The following RANBP2 variants were observed in gnomAD, a reference collection of about 807,000 sequenced individuals.
The protein encoded by RANBP2 is E3 SUMO-protein ligase RanBP2.
Under a neutral mutation model 303.6 loss-of-function variants are expected in RANBP2, and 57 were observed. The observed-to-expected ratio is 0.19, with a 90% CI of 0.15 to 0.23. RANBP2 has a LOEUF of 0.23. Among genes scored for constraint, RANBP2 ranks in the 10% least tolerant of loss-of-function variants. The pLI is 1.00. For synonymous variants in RANBP2, 1,167 were observed against 1,301.5 expected (o/e 0.90, Z 2.23); for missense variants, 3,138 against 3,780.8 (o/e 0.83, Z 4.46).
the RANBP2 span, among the ~76,000 whole-genome samples, chr2:109,648,615 T>C: frequency 1.4e-4 from 21 of 149,024 alleles, no homozygotes; most frequent in Middle Eastern, 3.8e-3. Context: ...AGTGCTGGGA[T>C]TACAGGTGTG....
the RANBP2 span, among the ~76,000 whole-genome samples, chr2:109,696,463 T>C: frequency 6.6e-6 from 1 of 152,214 alleles, no homozygotes; most frequent in African/African-American, 2.4e-5. Context: ...TTGTCAGAGA[T>C]GAAATATGTG....
At chr2:109,145,212 G>T in the RANBP2 span, among the ~76,000 whole-genome samples, 1 of 152,060 alleles carries the variant, frequency 6.6e-6, no homozygotes, top group Admixed American at 6.5e-5. Context: ...GCCGTGTCCT[G>T]GCTGGGTCCT....
chr2:109,021,405 C>G, the RANBP2 span, among the ~76,000 whole-genome samples: 2 of 151,962 alleles, frequency 1.3e-5, no homozygotes, highest in Non-Finnish European at 2.9e-5. Flanking sequence ...CGCCTGTAGT[C>G]CCAGCTACTC....
chr2:109,044,383 T>C, the RANBP2 span, among the ~76,000 whole-genome samples: 1 of 151,590 alleles, frequency 6.6e-6, no homozygotes, highest in Admixed American at 6.6e-5. Context: ...ATTAGCTGGG[T>C]ATGGTGGCGG....
chr2:108,748,603 G>A (rs934078850), intron 8 of RANBP2, among the ~76,000 whole-genome samples: 2 of 152,122 alleles, frequency 1.3e-5, no homozygotes, highest in Non-Finnish European at 2.9e-5. Flanking sequence ...GAGAATAAGA[G>A]TTTGTCCCTG....
the RANBP2 span, among the ~76,000 whole-genome samples, chr2:109,443,014 G>A: frequency 2.0e-5 from 3 of 152,184 alleles, no homozygotes; most frequent in African/African-American, 7.2e-5. Context: ...TAAAAGTGAA[G>A]GGATGGAACA....
chr2:109,539,415 G>A, the RANBP2 span, among the ~76,000 whole-genome samples: 39 of 152,268 alleles, frequency 2.6e-4, no homozygotes, highest in Middle Eastern at 3.4e-3. Flanking sequence ...AAGGTTTCAC[G>A]TGTACCTTGA....
chr2:109,176,365 CTCTG>C, the RANBP2 span, among the ~76,000 whole-genome samples: 73 of 152,154 alleles, frequency 4.8e-4, 1 homozygote, highest in Non-Finnish European at 1.6e-4. Flanking sequence ...CAGTGAGATA[CTCTG>C]AGAGAACACC....
the RANBP2 span, among the ~76,000 whole-genome samples, chr2:109,329,758 C>G: frequency 6.6e-6 from 1 of 152,206 alleles, no homozygotes; most frequent in African/African-American, 2.4e-5. Flanking sequence ...ACAAAGGAGG[C>G]TGGAGATGCC....
chr2:109,474,332 C>T, the RANBP2 span, among the ~76,000 whole-genome samples: 1 of 152,168 alleles, frequency 6.6e-6, no homozygotes, highest in Non-Finnish European at 1.5e-5. Context: ...AGAGGAGAAA[C>T]CCCTGTGGGT....
the RANBP2 span, among the ~76,000 whole-genome samples, chr2:109,376,540 C>A: frequency 6.6e-6 from 1 of 152,214 alleles, no homozygotes; most frequent in South Asian, 2.1e-4. Context: ...AAAAATAGTT[C>A]AAAAAAATGA....
the RANBP2 span, among the ~76,000 whole-genome samples, chr2:109,359,486 T>C: frequency 6.6e-6 from 1 of 152,240 alleles, no homozygotes; most frequent in South Asian, 2.1e-4. Flanking sequence ...CTTGCACATA[T>C]TTTGTTACAC....
the RANBP2 span, among the ~76,000 whole-genome samples, chr2:109,427,347 GTATAAA>G: frequency 2.6e-4 from 40 of 152,194 alleles, no homozygotes; most frequent in African/African-American, 9.7e-4. Flanking sequence ...CTACTGTATA[GTATAAA>G]TATAATTTTT....
At chr2:109,235,237 C>T in the RANBP2 span, among the ~76,000 whole-genome samples, 4 of 152,164 alleles carry the variant, frequency 2.6e-5, no homozygotes, top group Admixed American at 1.3e-4. Context: ...AATAGATCAA[C>T]CCTGAATAGT....
At chr2:109,222,001 G>T in the RANBP2 span, among the ~76,000 whole-genome samples, 1 of 152,018 alleles carries the variant, frequency 6.6e-6, no homozygotes, top group Non-Finnish European at 1.5e-5. Flanking sequence ...AAACACAGGG[G>T]ATACTATTCA....
At chr2:109,667,075 A>AT in the RANBP2 span, 1 of 737,052 alleles carries the variant, frequency 1.4e-6, no homozygotes, top group East Asian at 3.1e-5. Context: ...TGTGGGTTTC[A>AT]AATACACATA....
At chr2:108,775,662 A>G in intron 23 of RANBP2, 70 bp from the exon 24 acceptor site, 1 of 1,531,374 alleles carries the variant, frequency 6.5e-7, no homozygotes, top group Non-Finnish European at 9.0e-7. Context: ...TCCCTTTGAA[A>G]TAGATTATAT....
chr2:108,964,431 A>G, the RANBP2 span, among the ~76,000 whole-genome samples: 3 of 152,164 alleles, frequency 2.0e-5, no homozygotes, highest in Admixed American at 6.5e-5. Flanking sequence ...GGAGCTGTTC[A>G]TCTTTCCCTA....
At chr2:109,708,802 C>T in the RANBP2 span, among the ~76,000 whole-genome samples, 1 of 151,212 alleles carries the variant, frequency 6.6e-6, no homozygotes, top group Non-Finnish European at 1.5e-5. Context: ...ATGATGAAAC[C>T]CTGTCTCTAC....
Sources: allele counts gnomAD v4.1 joint callset (sites outside exome capture counted in the v4.1 genomes callset), GRCh38; gene constraint gnomAD v4.1.1; transcripts MANE v1.5; gene names NCBI Gene and HGNC (gene_info 2026-07-23, HGNC 2026-07-21).